Variants in TENM2 observed in about 807,000 individuals in gnomAD.
TENM2 encodes the protein teneurin-2.
TENM2 carries 52 observed loss-of-function variants against 245.2 expected under a neutral mutation model. The observed-to-expected ratio is 0.21, with a 90% CI of 0.17 to 0.27. The LOEUF is 0.27. Among genes scored for constraint, TENM2 ranks in the 10% least tolerant of loss-of-function variants. TENM2 has a pLI of 1.00. For synonymous variants in TENM2, 1,363 were observed against 1,438.9 expected (o/e 0.95, Z 1.19); for missense variants, 3,046 against 3,666.8 (o/e 0.83, Z 4.37).
intron 2 of TENM2, among the ~76,000 whole-genome samples, chr5:167,752,011 T>C (rs896697722): frequency 6.6e-6 from 1 of 152,046 alleles, no homozygotes; most frequent in East Asian, 1.9e-4. Context: ...AATATGGGTA[T>C]GATGCTTTCA....
intron 2 of TENM2, among the ~76,000 whole-genome samples, chr5:167,872,612 G>C (rs1773081916): frequency 6.6e-6 from 1 of 152,050 alleles, no homozygotes; most frequent in South Asian, 2.1e-4. Context: ...GCAGATCTAG[G>C]GACTGAGAAA....
At chr5:167,372,783 A>G (rs1760513880) in intron 1 of TENM2, among the ~76,000 whole-genome samples, 2 of 152,328 alleles carry the variant, frequency 1.3e-5, no homozygotes, top group African/African-American at 4.8e-5. Context: ...CTTTTTTTCA[A>G]TGACTTAAGG....
At chr5:168,136,687 G>A (rs1755080286) in intron 12 of TENM2, among the ~76,000 whole-genome samples, 1 of 152,162 alleles carries the variant, frequency 6.6e-6, no homozygotes, top group Non-Finnish European at 1.5e-5. Flanking sequence ...AGACACCACA[G>A]AGTCCTTTTT....
intron 3 of TENM2, among the ~76,000 whole-genome samples, chr5:167,916,851 C>T (rs978874921): frequency 1.3e-5 from 2 of 152,230 alleles, no homozygotes; most frequent in Admixed American, 6.5e-5. Flanking sequence ...TCAGCCCAGG[C>T]TCTGCCCTCC....
intron 2 of TENM2, among the ~76,000 whole-genome samples, chr5:167,783,740 G>C (rs987330010): frequency 2.6e-5 from 4 of 152,110 alleles, no homozygotes; most frequent in Non-Finnish European, 2.9e-5. Context: ...GTATCTGAAG[G>C]GTTCTTTGCC....
intron 23 of TENM2, among the ~76,000 whole-genome samples, chr5:168,220,197 A>C (rs1763553406): frequency 1.3e-5 from 2 of 152,136 alleles, no homozygotes; most frequent in Non-Finnish European, 2.9e-5. Flanking sequence ...CTGAAGCTAT[A>C]CACTCACCCA....
At chr5:167,787,319 A>G (rs1341076830) in intron 2 of TENM2, among the ~76,000 whole-genome samples, 1 of 152,256 alleles carries the variant, frequency 6.6e-6, no homozygotes, top group Non-Finnish European at 1.5e-5. Flanking sequence ...CTTAGCAAGT[A>G]ATGAAGTTAT....
rs542213080 is a variant in TENM2, at chr5:168,170,554, AAAGGAAGGAAGGAAG to A, written c.2569+7813_2569+7827del. Among the ~76,000 whole-genome samples, 844 of 152,068 alleles carry A rather than the reference AAAGGAAGGAAGGAAG, an allele frequency of 5.6e-3. 8 individuals carry two copies. The highest frequency in any genetic ancestry group is 6.8e-3 in the Non-Finnish European group (463 of 67,944). On this transcript the variant is annotated intron_variant, in intron 13 of 28. Transcript: ENST00000518659. ...AGACAGGAGGGAGGGAGGAAGGAAGAAAGGAAGGAAGGAAGAAGGAAGGAAGGAAGGAATTCTCTT... is the reference window on the plus strand; with the variant it reads ...AGACAGGAGGGAGGGAGGAAGGAAGAAAGGAAGGAAGGAAGGAATTCTCTT...
chr5:167,394,727 C>T (rs1442747981), intron 2 of TENM2, among the ~76,000 whole-genome samples: 1 of 152,034 alleles, frequency 6.6e-6, no homozygotes, highest in African/African-American at 2.4e-5. Context: ...TCCCGAATAG[C>T]TGGAACTTCA....
chr5:167,462,789 A>G (rs1421280786), intron 2 of TENM2, among the ~76,000 whole-genome samples: 1 of 151,972 alleles, frequency 6.6e-6, no homozygotes, highest in Non-Finnish European at 1.5e-5. Flanking sequence ...TAGAGGGCCA[A>G]AAGGCAACAT....
chr5:167,177,613 T>G, the TENM2 span, among the ~76,000 whole-genome samples: 2 of 152,180 alleles, frequency 1.3e-5, no homozygotes, highest in African/African-American at 4.8e-5. Flanking sequence ...AGGATGGGTG[T>G]CAAGACTCAG....
chr5:167,759,550 G>A (rs1762526622), intron 2 of TENM2, among the ~76,000 whole-genome samples: 1 of 152,152 alleles, frequency 6.6e-6, no homozygotes, highest in Non-Finnish European at 1.5e-5. Flanking sequence ...AAGTGGGGAG[G>A]TGCAGGTAAG....
the TENM2 span, among the ~76,000 whole-genome samples, chr5:167,230,103 G>A: frequency 6.6e-6 from 1 of 152,156 alleles, no homozygotes. Flanking sequence ...AGCTCTTAAA[G>A]TGGCACTGTG....
intron 2 of TENM2, among the ~76,000 whole-genome samples, chr5:167,801,123 T>C (rs1235046078): frequency 7.8e-5 from 5 of 63,948 alleles, no homozygotes; most frequent in South Asian, 1.1e-3. Flanking sequence ...TATATATATA[T>C]ATATATATAT....
At chr5:167,831,591 C>T (rs2151095002) in intron 2 of TENM2, among the ~76,000 whole-genome samples, 1 of 150,536 alleles carries the variant, frequency 6.6e-6, no homozygotes, top group Admixed American at 6.7e-5. Flanking sequence ...AAAACAATAC[C>T]AAGTTCCCAC....
intron 2 of TENM2, among the ~76,000 whole-genome samples, chr5:167,872,714 C>A (rs1407323413): frequency 6.6e-6 from 1 of 152,152 alleles, no homozygotes; most frequent in East Asian, 1.9e-4. Context: ...AGGAATCAGA[C>A]AATTCTGTGA....
At chr5:167,648,649 C>A (rs1780129287) in intron 2 of TENM2, among the ~76,000 whole-genome samples, 1 of 152,220 alleles carries the variant, frequency 6.6e-6, no homozygotes, top group South Asian at 2.1e-4. Context: ...TCTCTTGCTG[C>A]AGTCGGATGG....
At chr5:167,905,094 C>T (rs945359964) in intron 3 of TENM2, among the ~76,000 whole-genome samples, 14 of 152,110 alleles carry the variant, frequency 9.2e-5, no homozygotes, top group African/African-American at 3.4e-4. Context: ...AATGATCTCA[C>T]GGTTGCAACT....
Position 167,766,303 on chromosome 5 carries a change from G to A in TENM2, c.503-109683G>A, listed in dbSNP as rs183497206. Among the ~76,000 whole-genome samples, 30 of 152,252 alleles carry A rather than the reference G, an allele frequency of 2.0e-4. 1 individual carries two copies. Among genetic ancestry groups the A allele is most frequent in the Non-Finnish European group, 2.9e-5 (2 of 68,014 alleles). On this transcript the variant is annotated intron_variant, in intron 2 of 28. Transcript: ENST00000518659. The stretch of plus-strand genomic sequence containing the variant: ...TTACATATTTAGAGCATTAAATGGA[G>A]CTAAGCATATCTAGCACAAAACAAG...
Sources: allele counts gnomAD v4.1 joint callset (sites outside exome capture counted in the v4.1 genomes callset), GRCh38; gene constraint gnomAD v4.1.1; transcripts MANE v1.5; gene names NCBI Gene and HGNC (gene_info 2026-07-23, HGNC 2026-07-21).